Variants in ITFG1 observed in about 807,000 individuals in gnomAD.
The protein encoded by ITFG1 is T-cell immunomodulatory protein.
Under a neutral mutation model 81.8 loss-of-function variants are expected in ITFG1, and 34 were observed. The observed-to-expected ratio is 0.42, with a 90% CI of 0.32 to 0.55. The LOEUF (loss-of-function observed/expected upper bound fraction) is 0.55. Ranked by LOEUF, ITFG1 falls within the 20% of genes least tolerant of loss-of-function variation. The probability of loss-of-function intolerance (pLI) is 0.17; values close to 1 mark genes in which losing one functional copy is unlikely to be tolerated. For synonymous variants in ITFG1, 285 were observed against 270.6 expected, an observed-to-expected ratio of 1.05 and a Z score of -0.52; for missense variants, 672 against 755.4, an observed-to-expected ratio of 0.89 and a Z score of 1.29.
chr16:47,457,709 TA>T (rs1567507047), intron 2 of ITFG1, among the ~76,000 whole-genome samples: 5 of 152,248 alleles, frequency 3.3e-5, no homozygotes, highest in African/African-American at 9.6e-5. Context: ...ATTGCATTAA[TA>T]AAAAAATTAA....
chr16:47,163,046 C>T (rs1014512128), intron 14 of ITFG1, among the ~76,000 whole-genome samples: 2 of 152,140 alleles, frequency 1.3e-5, no homozygotes, highest in Non-Finnish European at 2.9e-5. Flanking sequence ...AAGTGATCCC[C>T]CTGCCTCGGG....
At chr16:47,459,345 T>G (rs960514556) in intron 1 of ITFG1, among the ~76,000 whole-genome samples, 170 bp from the exon 2 acceptor site, 1 of 152,172 alleles carries the variant, frequency 6.6e-6, no homozygotes, top group Non-Finnish European at 1.5e-5. Flanking sequence ...ATGCCTAACA[T>G]TATATCACAA....
intron 8 of ITFG1, among the ~76,000 whole-genome samples, chr16:47,328,265 G>C (rs1284470176): frequency 6.6e-6 from 1 of 152,094 alleles, no homozygotes; most frequent in African/African-American, 2.4e-5. Context: ...GGTGGGAACT[G>C]AACAATGAGA....
At chr16:47,183,793 CTT>C (rs1456232677) in intron 14 of ITFG1, among the ~76,000 whole-genome samples, 2 of 152,200 alleles carry the variant, frequency 1.3e-5, no homozygotes, top group African/African-American at 4.8e-5. Context: ...CGGAGAATGA[CTT>C]TGACGAGCTG....
At chr16:47,210,302 A>G (rs1194606561) in intron 14 of ITFG1, among the ~76,000 whole-genome samples, 1 of 152,088 alleles carries the variant, frequency 6.6e-6, no homozygotes, top group Non-Finnish European at 1.5e-5. Flanking sequence ...AATACTGTTA[A>G]CGTCTTTTCA....
At position 47,163,948 on chromosome 16, in the gene ITFG1, C is replaced by CACAT. The variant is rs1555501546; in HGVS notation, c.1454-1285_1454-1284insATGT. ...ACACACACACACACACACACACACA[C>CACAT]ACACATACACACACACACACACCAA... On this transcript the variant is annotated intron_variant, in intron 14 of 17. Coordinates refer to ENST00000320640, the MANE Select transcript of ITFG1 (RefSeq NM_030790.5). Among the ~76,000 whole-genome samples, 276 of 148,792 alleles carry CACAT rather than the reference C, an allele frequency of 1.9e-3. 3 individuals are homozygous for CACAT. Among genetic ancestry groups the CACAT allele is most frequent in the Non-Finnish European group, 3.2e-3 (214 of 67,140 alleles).
intron 8 of ITFG1, among the ~76,000 whole-genome samples, chr16:47,356,689 C>G (rs16956024): frequency 0.07 from 10,663 of 152,246 alleles, 636 homozygotes; most frequent in African/African-American, 0.16. Flanking sequence ...AGGTTAAGCA[C>G]AGAAAAGCTG....
chr16:47,396,752 A>C (rs1390119725), intron 6 of ITFG1, among the ~76,000 whole-genome samples: 1 of 152,166 alleles, frequency 6.6e-6, no homozygotes, highest in African/African-American at 2.4e-5. Context: ...AGATCCAAAA[A>C]GCGTTGCAGG....
rs1449348030 is a variant in ITFG1 at position 47,154,533 on chromosome 16, C to T, written c.*1186G>A. The T allele has an allele frequency of 6.6e-6, 1 of 152,106 alleles. No homozygotes were observed. Among genetic ancestry groups the T allele is most frequent in the African/African-American group, 2.4e-5 (1 of 41,406 alleles). The allele number at this position is 152,106 out of a possible 1,614,324, so 9.4% of individuals were successfully genotyped here. ...AAATTTTTGTGTTTTATAGGCATCA[C>T]ATGTCCATTTGCATACTAGAAAATT... is the stretch of plus-strand genomic sequence containing the variant. On this transcript the variant is annotated 3_prime_UTR_variant, in exon 18 of 18. Transcript: ENST00000320640.
chr16:47,460,843 C>T lies in ITFG1; in HGVS notation c.203G>A (p.Arg68Gln). ...SDKQTDLFVL[R>Q]ERNDLIVFLA... Reference sequence around the variant, plus strand: ...AGGGCCCGGCAAGCACTGACTTTCCCGCAGCACGAAGAGATCCGTCTGCTT... The same window carrying T: ...AGGGCCCGGCAAGCACTGACTTTCCTGCAGCACGAAGAGATCCGTCTGCTT... The change falls in exon 1 of 18, where the codon CGG becomes CAG. Residue 68 changes from arginine (R) to glutamine (Q), a missense_variant. Coordinates refer to ENST00000320640, the MANE Select transcript of ITFG1 (RefSeq NM_030790.5). 1 of 1,613,352 alleles carries T rather than the reference C, an allele frequency of 6.2e-7. No individual in the cohort carries two copies. The highest frequency in any genetic ancestry group is 8.5e-7 in the Non-Finnish European group (1 of 1,179,882).
chr16:47,212,426 G>C (rs1049055081), intron 14 of ITFG1, among the ~76,000 whole-genome samples: 2 of 151,200 alleles, frequency 1.3e-5, no homozygotes, highest in Middle Eastern at 3.2e-3. Context: ...TATATTGCCT[G>C]GGTTGGTCTC....
intron 10 of ITFG1, among the ~76,000 whole-genome samples, chr16:47,297,054 A>T (rs866519108): frequency 3.3e-5 from 5 of 152,024 alleles, no homozygotes; most frequent in Non-Finnish European, 5.9e-5. Context: ...ATTATTGTCT[A>T]TCTTTGTCTT....
chr16:47,326,289 A>C (rs546265056), intron 8 of ITFG1, among the ~76,000 whole-genome samples: 1 of 152,182 alleles, frequency 6.6e-6, no homozygotes, highest in East Asian at 1.9e-4. Context: ...CATGCTAAAA[A>C]CTCTCAATAA....
At chr16:47,191,809 C>T (rs1452952394) in intron 14 of ITFG1, among the ~76,000 whole-genome samples, 1 of 152,194 alleles carries the variant, frequency 6.6e-6, no homozygotes, top group Non-Finnish European at 1.5e-5. Flanking sequence ...GCCACCGCGC[C>T]TGCCCTTTAT....
chr16:47,254,991 G>A (rs1446834968), intron 12 of ITFG1, among the ~76,000 whole-genome samples: 1 of 152,158 alleles, frequency 6.6e-6, no homozygotes, highest in Non-Finnish European at 1.5e-5. Flanking sequence ...GGAAGCTGAG[G>A]CATGAGAATT....
At chr16:47,399,760 A>G (rs766933476) in intron 6 of ITFG1, among the ~76,000 whole-genome samples, 2 of 152,180 alleles carry the variant, frequency 1.3e-5, no homozygotes, top group African/African-American at 2.4e-5. Context: ...TCCAACTGGG[A>G]AGTCAGTTAC....
chr16:47,187,913 C>G (rs1174507527), intron 14 of ITFG1, among the ~76,000 whole-genome samples: 6 of 151,788 alleles, frequency 4.0e-5, no homozygotes, highest in Non-Finnish European at 7.4e-5. Flanking sequence ...AACAAATTTA[C>G]AAGAAAAAAA....
chr16:47,396,855 G>T (rs1286672383), intron 6 of ITFG1, among the ~76,000 whole-genome samples: 1 of 152,030 alleles, frequency 6.6e-6, no homozygotes, highest in Non-Finnish European at 1.5e-5. Context: ...ATATTTTCTG[G>T]TACCTACAAG....
chr16:47,197,111 CAT>C (rs1965367258), intron 14 of ITFG1, among the ~76,000 whole-genome samples: 1 of 152,110 alleles, frequency 6.6e-6, no homozygotes, highest in African/African-American at 2.4e-5. Context: ...ATTTCTTTAA[CAT>C]ATTTTGAAAT....
Sources: allele counts gnomAD v4.1 joint callset (sites outside exome capture counted in the v4.1 genomes callset), GRCh38; gene constraint gnomAD v4.1.1; transcripts MANE v1.5; gene names NCBI Gene and HGNC (gene_info 2026-07-23, HGNC 2026-07-21).